Variants in PCDHA4 observed in about 807,000 individuals in gnomAD.
The protein encoded by PCDHA4 is protocadherin alpha 4, also known as protocadherin alpha-4.
Under a neutral mutation model 61.4 loss-of-function variants are expected in PCDHA4, and 49 were observed. The ratio of observed to expected loss-of-function variants is 0.80; its 90% CI spans 0.63 to 1.01. The LOEUF is 1.01. Among genes scored for constraint, PCDHA4 ranks in the 50% least tolerant of loss-of-function variants. PCDHA4 has a pLI of 0.00. For synonymous variants in PCDHA4, 590 were observed against 550.3 expected (o/e 1.07, Z -1.01); for missense variants, 1,254 against 1,235.8 (o/e 1.01, Z -0.22).
chr5:140,809,050 G>T lies in PCDHA4; in HGVS notation c.1863G>T (p.Pro621=), dbSNP rs374806592. The change falls in exon 1 of 4, where the codon CCG becomes CCT. Residue 621 remains proline (P), a synonymous_variant. Coordinates refer to ENST00000530339, the MANE Select transcript of PCDHA4 (RefSeq NM_018907.4). ...LQPGTGGARI[P]FRVGLYTGEI... ...CGGGGACTGGTGGCGCGCGCATCCC[G>T]TTCCGCGTGGGGCTGTACACTGGCG... 8.1e-6 allele frequency: 13 copies of T among 1,613,754 alleles called. No homozygotes were observed. Among genetic ancestry groups the T allele is most frequent in the Non-Finnish European group, 1.1e-5 (13 of 1,179,884 alleles).
chr5:140,834,749 G>T (rs782597539), intron 1 of PCDHA4: 2 of 1,613,980 alleles, frequency 1.2e-6, no homozygotes, highest in African/African-American at 1.3e-5. Context: ...TGGACGTGGA[G>T]GTGAAGGACA....
intron 1 of PCDHA4, chr5:140,823,537 C>T: frequency 6.2e-7 from 1 of 1,613,812 alleles, no homozygotes; most frequent in Non-Finnish European, 8.5e-7. Context: ...GGGTGCGGGC[C>T]ACGTGGTGGC....
At chr5:141,006,837 TG>T (rs1477008780) in intron 3 of PCDHA4, among the ~76,000 whole-genome samples, 2 of 152,186 alleles carry the variant, frequency 1.3e-5, no homozygotes, top group African/African-American at 4.8e-5. Context: ...TGTAATTTAC[TG>T]AAACTGGAAA....
At chr5:140,965,521 G>T (rs1554227745) in intron 1 of PCDHA4, among the ~76,000 whole-genome samples, 1 of 150,834 alleles carries the variant, frequency 6.6e-6, no homozygotes, top group African/African-American at 2.4e-5. Flanking sequence ...TAACTGCAAA[G>T]CATTAATGGA....
chr5:140,811,842 G>A (rs1385551513), intron 1 of PCDHA4: 1 of 152,136 alleles, frequency 6.6e-6, no homozygotes, highest in Non-Finnish European at 1.5e-5. Context: ...CTTTTTGATA[G>A]GGTTTTTTGT....
intron 1 of PCDHA4, chr5:140,865,372 A>G (rs2048845131): frequency 6.6e-6 from 1 of 152,208 alleles, no homozygotes; most frequent in Non-Finnish European, 1.5e-5. Flanking sequence ...TAACCATGTT[A>G]TAGGTAGGGT....
chr5:140,857,164 C>T, intron 1 of PCDHA4: 1 of 1,598,342 alleles, frequency 6.3e-7, no homozygotes, highest in Non-Finnish European at 8.6e-7. Context: ...CCCTAATCAG[C>T]GTTTCTGACC....
At chr5:140,870,660 G>A (rs782219391) in intron 1 of PCDHA4, 3 of 1,612,516 alleles carry the variant, frequency 1.9e-6, no homozygotes, top group Non-Finnish European at 2.5e-6. Context: ...TGTACGCGCT[G>A]CAGCCGTTGG....
At chr5:140,980,730 A>G (rs1227353445) in intron 2 of PCDHA4, among the ~76,000 whole-genome samples, 2 of 152,176 alleles carry the variant, frequency 1.3e-5, no homozygotes, top group Non-Finnish European at 2.9e-5. Context: ...CAATTAAGAT[A>G]TTATGAGATT....
intron 1 of PCDHA4, chr5:140,882,864 C>T (rs2059340057): frequency 6.2e-7 from 1 of 1,614,200 alleles, no homozygotes; most frequent in East Asian, 2.2e-5. Flanking sequence ...CTGAGGAAAA[C>T]ACTGGACAGA....
In PCDHA4 at chr5:140,808,477, G is replaced by C. The variant is rs1764182848; in HGVS notation, c.1290G>C (p.Gly430=). ...AYELVVTARD[G]GSPSLWATAS... is the part of the protein sequence containing the mutation. ...AGCTGGTGGTGACCGCGCGAGACGGGGGCTCGCCTTCGCTGTGGGCCACGG... is the reference window on the plus strand; with the variant it reads ...AGCTGGTGGTGACCGCGCGAGACGGCGGCTCGCCTTCGCTGTGGGCCACGG... Residue 430 remains glycine (G), a synonymous_variant, in exon 1 of 4, where the codon GGG becomes GGC. Coordinates refer to ENST00000530339, the MANE Select transcript of PCDHA4 (RefSeq NM_018907.4). 1.9e-6 allele frequency: 3 copies of C among 1,614,038 alleles called. No individual in the cohort carries two copies. Among genetic ancestry groups the C allele is most frequent in the Non-Finnish European group, 2.5e-6 (3 of 1,180,050 alleles).
At chr5:140,862,330 T>A in intron 1 of PCDHA4, 1 of 326,684 alleles carries the variant, frequency 3.1e-6, no homozygotes, top group Non-Finnish European at 6.0e-6. Flanking sequence ...TCAGTGTAAT[T>A]GACCCTAACT....
chr5:140,884,002 C>A (rs1189374158), intron 1 of PCDHA4: 1 of 1,612,906 alleles, frequency 6.2e-7, no homozygotes, highest in Admixed American at 1.7e-5. Flanking sequence ...GCACAGTGAG[C>A]GAGCTGATGC....
In PCDHA4 at chr5:140,966,814, C is replaced by G. The variant is rs782787958; in HGVS notation, c.2386-12135C>G. 4.5e-6 allele frequency: 7 copies of G among 1,552,328 alleles called. No individual in the cohort carries two copies. The East Asian group carries it at 1.2e-4, about 27-fold the overall frequency. On this transcript the variant is annotated intron_variant, in intron 1 of 3. Coordinates refer to ENST00000530339, the MANE Select transcript of PCDHA4 (RefSeq NM_018907.4). The stretch of plus-strand genomic sequence containing the variant: ...CTGCGGCGACAGAGCATCCACGGCT[C>G]CGGCGGCCCATGCCCTGGCTGCTGC...
chr5:140,857,392 C>T lies in PCDHA4; in HGVS notation c.2385+47820C>T, dbSNP rs142727326. ...TGTCTGTGGAGGTGGCCGACGTGAA[C>T]GACAACGCGCCTGCGTTCGCGCAGT... On this transcript the variant is annotated intron_variant, in intron 1 of 3. Coordinates refer to ENST00000530339, the MANE Select transcript of PCDHA4 (RefSeq NM_018907.4). 2.9e-5 allele frequency: 46 copies of T among 1,598,470 alleles called. 4 individuals are homozygous for T. Among genetic ancestry groups the T allele is most frequent in the Non-Finnish European group, 3.6e-5 (42 of 1,167,894 alleles).
At chr5:140,947,059 A>G (rs1297447274) in intron 1 of PCDHA4, among the ~76,000 whole-genome samples, 2 of 151,742 alleles carry the variant, frequency 1.3e-5, no homozygotes, top group Admixed American at 1.3e-4. Flanking sequence ...ATCATTACAC[A>G]GTGTATATAT....
In PCDHA4 at chr5:140,807,107, T is replaced by A; in HGVS notation, c.-81T>A. The A allele has an allele frequency of 6.8e-7, 1 of 1,466,078 alleles. No homozygotes were observed. 90.8% of individuals were successfully genotyped at this position (1,466,078 alleles called of 1,614,324 possible). A position where few individuals can be genotyped will look rare whatever the true frequency, so the allele number is the denominator to read the frequency against. ...GAGTCTGAAATATGGAGGATGCAGC[T>A]GCACTTGACTGACCGATTAAAAGAT... On this transcript the variant is annotated 5_prime_UTR_variant, in exon 1 of 4. Transcript: ENST00000530339.
chr5:140,828,428 C>T (rs2150155297), intron 1 of PCDHA4: 2 of 1,614,252 alleles, frequency 1.2e-6, no homozygotes, highest in Admixed American at 1.7e-5. Context: ...CGTGGACAGG[C>T]CGCTGCAGGT....
chr5:140,920,955 C>A (rs2079947807), intron 1 of PCDHA4, among the ~76,000 whole-genome samples: 1 of 151,668 alleles, frequency 6.6e-6, no homozygotes, highest in Admixed American at 6.6e-5. Context: ...AAACACTACA[C>A]ATGTAGTACT....
Sources: gnomAD v4.1 joint callset for allele counts (sites outside exome capture counted in the v4.1 genomes callset) on GRCh38, gnomAD v4.1.1 for gene constraint, MANE v1.5 for transcripts, NCBI Gene and HGNC (gene_info 2026-07-23, HGNC 2026-07-21) for gene names.